EIF4ENIF1: variants seen among roughly 807,000 people sequenced by gnomAD.
EIF4ENIF1 encodes the protein eukaryotic translation initiation factor 4E nuclear import factor 1.
EIF4ENIF1 carries 23 observed loss-of-function variants against 110.5 expected under a neutral mutation model. The ratio of observed to expected loss-of-function variants is 0.21; its 90% CI spans 0.15 to 0.29. The LOEUF (loss-of-function observed/expected upper bound fraction) is 0.29, where lower values mean the gene tolerates loss of function less well. Among genes scored for constraint, EIF4ENIF1 ranks in the 10% least tolerant of loss-of-function variants. The pLI, the probability that EIF4ENIF1 is intolerant of heterozygous loss-of-function variation, is 1.00. For missense variants in EIF4ENIF1, 1,031 were observed against 1,221.1 expected (o/e 0.84, Z 2.32); for synonymous variants, 440 against 437.0 (o/e 1.01, Z -0.09).
Position 31,463,098 on chromosome 22 carries a change from C to G in EIF4ENIF1, c.621G>C (p.Glu207Asp). Residue 207 changes from glutamate (E) to aspartate (D), a missense_variant, in exon 6 of 19, where the codon GAG becomes GAC. By Grantham distance (45) the Glu-to-Asp change is conservative. Transcript: ENST00000330125. ...EFGDSKRVFG[E>D]RRRNDSYTEE... ...CTGTGTAAGAATCATTTCTTCTACGCTCACCAAAGACACGCTTACTATCTC... is the reference window on the plus strand; with the variant it reads ...CTGTGTAAGAATCATTTCTTCTACGGTCACCAAAGACACGCTTACTATCTC... The G allele has an allele frequency of 6.2e-7, 1 of 1,614,152 alleles. No individual in the cohort carries two copies. Among genetic ancestry groups the G allele is most frequent in the Non-Finnish European group, 8.5e-7 (1 of 1,180,014 alleles).
intron 2 of EIF4ENIF1, among the ~76,000 whole-genome samples, chr22:31,486,090 C>CA (rs2052011167): frequency 6.6e-6 from 1 of 151,788 alleles, no homozygotes; most frequent in Non-Finnish European, 1.5e-5. Context: ...GCCAACATGG[C>CA]AAAACCCTGT....
Position 31,488,745 on chromosome 22 carries a change from C to G in EIF4ENIF1, c.-27G>C, listed in dbSNP as rs2052141104. The G allele has an allele frequency of 6.3e-7, 1 of 1,599,174 alleles. No individual in the cohort carries two copies. Among genetic ancestry groups the G allele is most frequent in the African/African-American group, 1.4e-5 (1 of 73,948 alleles). On this transcript the variant is annotated splice_region_variant and 5_prime_UTR_variant, in exon 2 of 19. Transcript: ENST00000330125. Reference sequence around the variant, plus strand: ...GCTCCTTGGTCTACAATGCTCTGCACCTGGAAGATAAATCGGCACAAAATT... The same window carrying G: ...GCTCCTTGGTCTACAATGCTCTGCAGCTGGAAGATAAATCGGCACAAAATT...
At chr22:31,469,439 T>C (rs1180908346) in intron 3 of EIF4ENIF1, among the ~76,000 whole-genome samples, 3 of 152,230 alleles carry the variant, frequency 2.0e-5, no homozygotes, top group Non-Finnish European at 4.4e-5. Flanking sequence ...GCACAGTATT[T>C]ATGACATAGC....
chr22:31,463,333 T>TA (rs1367205542), intron 5 of EIF4ENIF1, among the ~76,000 whole-genome samples, 200 bp from the exon 6 acceptor site: 2 of 151,660 alleles, frequency 1.3e-5, no homozygotes, highest in Non-Finnish European at 2.9e-5. Context: ...TAACCTGGTA[T>TA]AAAAAAAGTG....
chr22:31,437,716 AG>A (rs1321260453), downstream of EIF4ENIF1: 1 of 152,152 alleles, frequency 6.6e-6, no homozygotes, highest in African/African-American at 2.4e-5. Context: ...TTCAACATGA[AG>A]GGGAAGTAAG....
rs1371144257 is a variant in EIF4ENIF1 at position 31,454,365 on chromosome 22, C to T, written c.1291G>A (p.Val431Ile). The T allele has an allele frequency of 1.2e-6, 2 of 1,613,824 alleles. No individual in the cohort carries two copies. The highest frequency in any genetic ancestry group is 2.2e-5 in the East Asian group (1 of 44,892). The change falls in exon 10 of 19, where the codon GTT becomes ATT. Residue 431 changes from valine (V) to isoleucine (I), a missense_variant. Transcript: ENST00000330125. ...TCTACCTCCTCCACTGAAAGCACAA[C>T]CCCTGAATGTGCTGAGAAGTTGAGA... ...EKLKESSHSG[V>I]VLSVEEVEAG...
chr22:31,444,340 G>A, intron 15 of EIF4ENIF1: 1 of 351,730 alleles, frequency 2.8e-6, no homozygotes, highest in East Asian at 5.7e-5. Flanking sequence ...TCATTTCTTT[G>A]AACATACTAT....
At chr22:31,441,271 C>G (rs1215054746) in intron 17 of EIF4ENIF1, among the ~76,000 whole-genome samples, 1 of 151,586 alleles carries the variant, frequency 6.6e-6, no homozygotes, top group East Asian at 2.0e-4. Context: ...AATTCTCTGG[C>G]TCACGCCTGT....
intron 6 of EIF4ENIF1, among the ~76,000 whole-genome samples, chr22:31,462,020 A>C (rs1379408697): frequency 6.6e-6 from 1 of 152,190 alleles, no homozygotes; most frequent in Non-Finnish European, 1.5e-5. Context: ...TTAGGACATA[A>C]TTGCTCAATA....
intron 2 of EIF4ENIF1, among the ~76,000 whole-genome samples, chr22:31,474,386 T>C (rs1196799423): frequency 6.6e-6 from 1 of 152,100 alleles, no homozygotes; most frequent in African/African-American, 2.4e-5. Flanking sequence ...TGTTGGTCTA[T>C]AACTCATTAA....
At chr22:31,477,638 C>T (rs1302342433) in intron 2 of EIF4ENIF1, among the ~76,000 whole-genome samples, 1 of 152,174 alleles carries the variant, frequency 6.6e-6, no homozygotes, top group African/African-American at 2.4e-5. Flanking sequence ...GAGCAGAAGG[C>T]AGAGTAGCAA....
In EIF4ENIF1 at chr22:31,439,766, C is replaced by G; in HGVS notation, c.*114G>C. 1 of 1,453,102 alleles carries G rather than the reference C, an allele frequency of 6.9e-7. No individual in the cohort carries two copies. Among genetic ancestry groups the G allele is most frequent in the Non-Finnish European group, 9.1e-7 (1 of 1,093,982 alleles). 90.0% of individuals were successfully genotyped at this position (1,453,102 alleles called of 1,614,324 possible). The stretch of plus-strand genomic sequence containing the variant: ...CACCAGATGCATGGGTTCCACCAAA[C>G]AGCTTCACACAGAGTGCTCCAAAGT... On this transcript the variant is annotated 3_prime_UTR_variant, in exon 19 of 19. Transcript: ENST00000330125.
chr22:31,485,990 T>C (rs2052005252), intron 2 of EIF4ENIF1, among the ~76,000 whole-genome samples: 3 of 152,038 alleles, frequency 2.0e-5, no homozygotes, highest in African/African-American at 4.8e-5. Context: ...CTCACACCTA[T>C]AATTCCAGCA....
intron 17 of EIF4ENIF1, 35 bp downstream of exon 17, chr22:31,441,739 A>G: frequency 6.4e-7 from 1 of 1,561,616 alleles, no homozygotes; most frequent in South Asian, 1.2e-5. Context: ...CTAGGCCCAC[A>G]AACTGACGAC....
chr22:31,437,862 G>C (rs1055481908), downstream of EIF4ENIF1: 4 of 152,212 alleles, frequency 2.6e-5, no homozygotes, highest in Non-Finnish European at 5.9e-5. Flanking sequence ...TAAACAGAGG[G>C]TCTATTTCTG....
At chr22:31,437,098 T>A (rs912518717), downstream of EIF4ENIF1, 1 of 152,232 alleles carries the variant, frequency 6.6e-6, no homozygotes, top group Non-Finnish European at 1.5e-5. Context: ...CTAGCTGCAC[T>A]CTCTGTTCAC....
rs889594469 is a variant in EIF4ENIF1, at chr22:31,463,093, C to T, written c.626G>A (p.Arg209Lys). 8.7e-6 allele frequency: 14 copies of T among 1,614,010 alleles called. No homozygotes were observed. The highest frequency in any genetic ancestry group is 3.3e-4 in the Middle Eastern group (2 of 6,084). ...GDSKRVFGER[R>K]RNDSYTEEEP... Reference sequence around the variant, plus strand: ...TTCTTCTGTGTAAGAATCATTTCTTCTACGCTCACCAAAGACACGCTTACT... The same window carrying T: ...TTCTTCTGTGTAAGAATCATTTCTTTTACGCTCACCAAAGACACGCTTACT... The change falls in exon 6 of 19, where the codon AGA (arginine) becomes AAA (lysine). Residue 209 changes from arginine (R) to lysine (K), a missense_variant. Transcript: ENST00000330125.
chr22:31,437,453 C>CCG (rs1057126807), downstream of EIF4ENIF1: 3 of 119,396 alleles, frequency 2.5e-5, no homozygotes, highest in Non-Finnish European at 3.5e-5. Flanking sequence ...GCCTTCATCC[C>CCG]CCCCCCACCC....
At chr22:31,463,541 G>C (rs1045401517) in intron 5 of EIF4ENIF1, 140 bp downstream of exon 5, 25 of 825,654 alleles carry the variant, frequency 3.0e-5, no homozygotes, top group African/African-American at 5.2e-5. Flanking sequence ...AGTTAGCCGG[G>C]TATGGTGGTG....
Sources: allele counts gnomAD v4.1 joint callset (sites outside exome capture counted in the v4.1 genomes callset), GRCh38; gene constraint gnomAD v4.1.1; transcripts MANE v1.5; gene names NCBI Gene and HGNC (gene_info 2026-07-23, HGNC 2026-07-21).